Variants in CCNB3 observed in about 807,000 individuals in gnomAD.
The protein encoded by CCNB3 is cyclin B3.
In CCNB3, 12 loss-of-function variants were observed where a neutral mutation model predicts 68.0. That is an observed-to-expected ratio of 0.18 (90% CI 0.11 to 0.29). The LOEUF (loss-of-function observed/expected upper bound fraction) is 0.29. CCNB3 is among the 10% of genes least tolerant of loss of function. CCNB3 has a pLI of 1.00. For synonymous variants in CCNB3, 354 were observed against 388.9 expected, an observed-to-expected ratio of 0.91 and a Z score of 1.06; for missense variants, 904 against 993.1, an observed-to-expected ratio of 0.91 and a Z score of 1.21.
At chrX:50,291,313 AT>A (rs1286412792) in intron 4 of CCNB3, among the ~76,000 whole-genome samples, 2 of 110,446 alleles carry the variant, frequency 1.8e-5, no homozygotes, top group African/African-American at 6.6e-5. Flanking sequence ...TATTTTATTT[AT>A]TTTTTTTGAG....
At chrX:50,295,034 A>G in intron 5 of CCNB3, 41 bp downstream of exon 5, 8 of 1,150,671 alleles carry the variant, frequency 7.0e-6, no homozygotes, top group Non-Finnish European at 9.4e-6. Context: ...TTTAGATGGT[A>G]GAGTATGTGA....
chrX:50,298,315 T>G (rs1193333463), intron 5 of CCNB3, among the ~76,000 whole-genome samples: 1 of 111,894 alleles, frequency 8.9e-6, no homozygotes, highest in Admixed American at 9.5e-5. Flanking sequence ...CATCAATACC[T>G]AATTTATTGA....
intron 8 of CCNB3, among the ~76,000 whole-genome samples, chrX:50,321,268 A>C (rs1175062395): frequency 8.9e-6 from 1 of 112,013 alleles, no homozygotes; most frequent in Non-Finnish European, 1.9e-5. Flanking sequence ...GATAAGTGAA[A>C]AATTTTAATG....
intron 8 of CCNB3, among the ~76,000 whole-genome samples, chrX:50,341,246 C>T (rs374479821): frequency 8.3e-5 from 9 of 109,090 alleles, no homozygotes; most frequent in African/African-American, 2.7e-4. Context: ...AGGAGAATGG[C>T]GTGAACCCGG....
At chrX:50,299,317 A>G (rs191832478) in intron 5 of CCNB3, among the ~76,000 whole-genome samples, 12,541 of 110,338 alleles carry the variant, frequency 0.11, 1,757 homozygotes, top group African/African-American at 0.4. Context: ...TGTCCCATAG[A>G]TTCTGGTATG....
At chrX:50,225,667 G>A (rs1024530138) in intron 1 of CCNB3, among the ~76,000 whole-genome samples, 4 of 109,847 alleles carry the variant, frequency 3.6e-5, no homozygotes, top group African/African-American at 1.3e-4. Context: ...ATAAACAAAG[G>A]TGATGGAAAA....
At chrX:50,213,360 T>C (rs1299953006) in intron 1 of CCNB3, among the ~76,000 whole-genome samples, 1 of 112,202 alleles carries the variant, frequency 8.9e-6, no homozygotes, top group Non-Finnish European at 1.9e-5. Context: ...TCCCACTTGG[T>C]CATGGTATAT....
chrX:50,279,198 TAA>T (rs1936020980), intron 1 of CCNB3, among the ~76,000 whole-genome samples: 7 of 3,940 alleles, frequency 1.8e-3, no homozygotes, highest in East Asian at 0.013. Context: ...TCTCTATATA[TAA>T]ATATATAGAG....
At chrX:50,228,419 GTAGAATATATATAGAGGATATAGCTATA>G in intron 1 of CCNB3, among the ~76,000 whole-genome samples, 1 of 88,491 alleles carries the variant, frequency 1.1e-5, no homozygotes, top group Non-Finnish European at 2.2e-5. Context: ...ATATATCTAT[GTAGAATATATATAGAGGATATAGCTATA>G]TAGAATATAT....
intron 5 of CCNB3, among the ~76,000 whole-genome samples, chrX:50,296,136 T>G (rs1936454866): frequency 9.0e-6 from 1 of 110,594 alleles, no homozygotes; most frequent in Non-Finnish European, 1.9e-5. Flanking sequence ...TTTTTTATTA[T>G]TATTATTATT....
rs1325480565 is a variant in CCNB3 at position 50,309,822 on chromosome X, C to T, written c.1653C>T (p.Asp551=). 6.6e-6 allele frequency: 8 copies of T among 1,207,507 alleles called. No homozygotes were observed. Among genetic ancestry groups the T allele is most frequent in the Non-Finnish European group, 6.7e-6 (6 of 892,858 alleles). ...EMMSICPELL[D]FQDMIGEDKN... ...TGTCCATCTGTCCAGAACTGTTGGA[C>T]TTTCAGGATATGATTGGTGAAGATA... Residue 551 remains aspartate, a synonymous_variant, in exon 6 of 13, where the codon GAC becomes GAT. Transcript: ENST00000376042.
In CCNB3 at chrX:50,309,146, T is replaced by C; in HGVS notation, c.977T>C (p.Leu326Pro). 3 of 1,211,131 alleles carry C rather than the reference T, an allele frequency of 2.5e-6. No homozygotes were observed. In the South Asian group the frequency reaches 5.3e-5, roughly 21 times the overall value. The change falls in exon 6 of 13, where the codon CTT becomes CCT. Residue 326 changes from leucine to proline, a missense_variant. Coordinates refer to ENST00000376042, the MANE Select transcript of CCNB3 (RefSeq NM_033031.3). ...AAGCCTACCACTGAGAAGGAGACAC[T>C]TTTCCAAGAGCTATCTGTATTGCAA... is the stretch of plus-strand genomic sequence containing the variant. ...IKKPTTEKET[L>P]FQELSVLQEK...
At chrX:50,347,869 C>A in intron 11 of CCNB3, 94 bp downstream of exon 11, 1 of 908,290 alleles carries the variant, frequency 1.1e-6, no homozygotes, top group Non-Finnish European at 1.5e-6. Context: ...ACGGGAAACT[C>A]TTGGGGACAA....
chrX:50,347,908 C>G (rs1923485696), intron 11 of CCNB3, 133 bp downstream of exon 11: 1 of 593,969 alleles, frequency 1.7e-6, no homozygotes, highest in Non-Finnish European at 2.5e-6. Flanking sequence ...ACTGTGAACT[C>G]TAACACCTGG....
intron 1 of CCNB3, among the ~76,000 whole-genome samples, chrX:50,281,120 C>A (rs923570165): frequency 6.6e-3 from 730 of 110,850 alleles, no homozygotes; most frequent in Non-Finnish European, 0.01. Context: ...CCTGGTCCAA[C>A]CAATTATACC....
intron 2 of CCNB3, 52 bp from the exon 3 acceptor site, chrX:50,285,075 A>C: frequency 1.4e-6 from 1 of 696,624 alleles, no homozygotes; most frequent in Non-Finnish European, 2.3e-6. Flanking sequence ...ATTTTCAGAG[A>C]ATTTATCGTG....
chrX:50,288,113 G>A (rs782672814), intron 3 of CCNB3, among the ~76,000 whole-genome samples: 1 of 107,043 alleles, frequency 9.3e-6, no homozygotes, highest in Non-Finnish European at 1.9e-5. Context: ...ACATTATGGC[G>A]AGTTATATAA....
At chrX:50,312,402 G>A (rs1429420004) in intron 6 of CCNB3, 135 bp from the exon 7 acceptor site, 2 of 530,842 alleles carry the variant, frequency 3.8e-6, no homozygotes, top group East Asian at 7.0e-5. Context: ...CTGTGTTATG[G>A]CCCAACATAT....
At chrX:50,330,366 GACT>G (rs1557217902) in intron 8 of CCNB3, among the ~76,000 whole-genome samples, 3 of 111,826 alleles carry the variant, frequency 2.7e-5, no homozygotes, top group Non-Finnish European at 5.6e-5. Context: ...CAGACTGTCT[GACT>G]ACTGATTTCA....
Sources: gnomAD v4.1 joint callset for allele counts (sites outside exome capture counted in the v4.1 genomes callset) on GRCh38, gnomAD v4.1.1 for gene constraint, MANE v1.5 for transcripts, NCBI Gene and HGNC (gene_info 2026-07-23, HGNC 2026-07-21) for gene names.